Variants in CLCN3 observed in about 807,000 individuals in gnomAD.
CLCN3 encodes Cl-/H+ antiporter 3.
In CLCN3, 16 loss-of-function variants were observed where a neutral mutation model predicts 83.4. The observed-to-expected ratio is 0.19, with a 90% CI of 0.13 to 0.29. The LOEUF is 0.29. CLCN3 is among the 10% of genes least tolerant of loss of function. The pLI is 1.00. For missense variants in CLCN3, 544 were observed against 1,006.0 expected (o/e 0.54, Z 6.21); for synonymous variants, 322 against 346.2 (o/e 0.93, Z 0.78).
intron 2 of CLCN3, among the ~76,000 whole-genome samples, chr4:169,677,375 T>C (rs1731721072): frequency 6.6e-6 from 1 of 152,232 alleles, no homozygotes; most frequent in Admixed American, 6.5e-5. Context: ...ACATTCAGAC[T>C]CATTCATGAA....
intron 2 of CLCN3, among the ~76,000 whole-genome samples, chr4:169,655,644 G>A (rs1416287606): frequency 6.6e-6 from 1 of 152,100 alleles, no homozygotes; most frequent in Non-Finnish European, 1.5e-5. Context: ...GCAGGCATGT[G>A]CCACTATGTC....
At chr4:169,702,790 A>C (rs1302190755) in intron 9 of CLCN3, 1 of 209,286 alleles carries the variant, frequency 4.8e-6, no homozygotes. Flanking sequence ...AAAAAAAAAA[A>C]AAAAAAAGAA....
At chr4:169,719,769 A>G in intron 12 of CLCN3, 138 bp from the exon 13 acceptor site, 1 of 612,288 alleles carries the variant, frequency 1.6e-6, no homozygotes, top group Non-Finnish European at 2.8e-6. Flanking sequence ...CTTTACCAAT[A>G]AAGTACTTTT....
chr4:169,673,892 A>G (rs1167309184), intron 2 of CLCN3, among the ~76,000 whole-genome samples: 1 of 152,184 alleles, frequency 6.6e-6, no homozygotes, highest in Non-Finnish European at 1.5e-5. Context: ...TTTCTGAGCC[A>G]CATAAAGAGT....
chr4:169,694,876 A>G (rs767327128), intron 7 of CLCN3, among the ~76,000 whole-genome samples: 3 of 152,194 alleles, frequency 2.0e-5, no homozygotes, highest in Non-Finnish European at 4.4e-5. Flanking sequence ...TAGAAAAATA[A>G]TTACAAATAA....
At position 169,692,340 on chromosome 4, in the gene CLCN3, A is replaced by C. The variant is rs1213541109; in HGVS notation, c.936+20A>C. 1 of 1,304,000 alleles carries C rather than the reference A, an allele frequency of 7.7e-7. No homozygotes were observed. The highest frequency in any genetic ancestry group is 1.1e-6 in the Non-Finnish European group (1 of 909,734). 80.8% of individuals were successfully genotyped at this position (1,304,000 alleles called of 1,614,324 possible). Reference sequence around the variant, plus strand: ...AGGGAGGTAAGTGTCTTTTGTAGTTAATTTGACTGAAAAATATATATTATA... The same window carrying C: ...AGGGAGGTAAGTGTCTTTTGTAGTTCATTTGACTGAAAAATATATATTATA... On this transcript the variant is annotated intron_variant, in intron 7 of 12. Coordinates refer to ENST00000513761, the MANE Select transcript of CLCN3 (RefSeq NM_001829.4).
At chr4:169,714,417 A>G (rs941686565) in intron 12 of CLCN3, among the ~76,000 whole-genome samples, 2 of 152,150 alleles carry the variant, frequency 1.3e-5, no homozygotes, top group Admixed American at 6.5e-5. Context: ...TTTCTCATTT[A>G]ACTTTGCAGG....
rs1733013072 is a variant in CLCN3 at position 169,706,848 on chromosome 4, T to C, written c.1751-20T>C. On this transcript the variant is annotated intron_variant, in intron 10 of 12. Transcript: ENST00000513761. ...TGAGGATCCTGTCCTTCCTGACCAGTGGGTGCTTACTTTTTTCAGGTGGTG... is the reference window on the plus strand; with the variant it reads ...TGAGGATCCTGTCCTTCCTGACCAGCGGGTGCTTACTTTTTTCAGGTGGTG... 1.3e-6 allele frequency: 2 copies of C among 1,598,546 alleles called. No homozygotes were observed. The highest frequency in any genetic ancestry group is 1.7e-6 in the Non-Finnish European group (2 of 1,169,168).
At position 169,673,766 on chromosome 4, in the gene CLCN3, T is replaced by G. The variant is rs75776989; in HGVS notation, c.161-6284T>G. On this transcript the variant is annotated intron_variant, in intron 2 of 12. Coordinates refer to ENST00000513761, the MANE Select transcript of CLCN3 (RefSeq NM_001829.4). ...ACCTGTCACCCCAATTCCTGAAATA[T>G]TAATATTTTACCACATTTGTTCATT... Among the ~76,000 whole-genome samples, 604 of 152,300 alleles carry G rather than the reference T, an allele frequency of 4.0e-3. 4 individuals are homozygous for G. Among genetic ancestry groups the G allele is most frequent in the African/African-American group, 0.014 (567 of 41,572 alleles).
chr4:169,674,082 C>T (rs1026641121), intron 2 of CLCN3, among the ~76,000 whole-genome samples: 21 of 152,286 alleles, frequency 1.4e-4, no homozygotes, highest in African/African-American at 5.1e-4. Context: ...CCAGTTGTCC[C>T]ACTGTGTCCT....
rs116321248 is a variant in CLCN3, at chr4:169,621,876, T to C, written c.-17+813T>C. ...TCACTACAAAATAATATTTGTTCAG[T>C]TCAGGAGTACATATGGGAGTTAAAG... On this transcript the variant is annotated intron_variant, in intron 1 of 12. Transcript: ENST00000513761. Among the ~76,000 whole-genome samples, 1,143 of 152,312 alleles carry C rather than the reference T, an allele frequency of 7.5e-3. 12 individuals carry two copies. The highest frequency in any genetic ancestry group is 0.026 in the African/African-American group (1,099 of 41,566).
In CLCN3 at chr4:169,633,906, G is replaced by A. The variant is rs117811490; in HGVS notation, c.-16-2007G>A. On this transcript the variant is annotated intron_variant, in intron 1 of 12. Transcript: ENST00000513761. ...GATAGCCGTATGTATGCTGGCTGCT[G>A]CATCAGTCAGTACAGCTCTATAGGT... 1.2e-4 allele frequency among the ~76,000 whole-genome samples: 18 copies of A among 152,112 alleles called. No homozygotes were observed. The East Asian group carries it at 3.5e-3, about 29-fold the overall frequency.
chr4:169,673,492 A>G (rs1251463365), intron 2 of CLCN3, among the ~76,000 whole-genome samples: 1 of 152,156 alleles, frequency 6.6e-6, no homozygotes, highest in African/African-American at 2.4e-5. Flanking sequence ...TTCACGCTGT[A>G]AATAGCTTGA....
At chr4:169,699,671 C>G (rs1350224010) in intron 9 of CLCN3, among the ~76,000 whole-genome samples, 1 of 152,064 alleles carries the variant, frequency 6.6e-6, no homozygotes, top group African/African-American at 2.4e-5. Flanking sequence ...ATCACAATGT[C>G]AGGAGATCGA....
At position 169,707,125 on chromosome 4, in the gene CLCN3, C is replaced by T. The variant is rs957476221; in HGVS notation, c.2008C>T (p.Leu670=). The T allele has an allele frequency of 6.2e-7, 1 of 1,613,944 alleles. No homozygotes were observed. Among genetic ancestry groups the T allele is most frequent in the African/African-American group, 1.3e-5 (1 of 74,898 alleles). ...PRRNDPPLAV[L]TQDNMTVDDI... is the part of the protein sequence containing the mutation. ...AAGGAATGATCCTCCCTTAGCTGTC[C>T]TGACACAGGACAATATGACAGTGGA... is the stretch of plus-strand genomic sequence containing the variant. The change falls in exon 11 of 13, where the codon CTG becomes TTG. Residue 670 remains leucine, a synonymous_variant. Transcript: ENST00000513761.
At chr4:169,702,795 A>AAAG (rs768271421) in intron 9 of CLCN3, 81 of 301,040 alleles carry the variant, frequency 2.7e-4, no homozygotes, top group East Asian at 1.1e-3. Flanking sequence ...AAAAAAAAAA[A>AAAG]AAGAAAGCCA....
At chr4:169,669,130 A>G (rs1330528072) in intron 2 of CLCN3, among the ~76,000 whole-genome samples, 1 of 152,240 alleles carries the variant, frequency 6.6e-6, no homozygotes, top group Non-Finnish European at 1.5e-5. Flanking sequence ...TGTGACGATA[A>G]TAAATGGATA....
At chr4:169,657,993 T>C (rs1730936640) in intron 2 of CLCN3, among the ~76,000 whole-genome samples, 1 of 152,210 alleles carries the variant, frequency 6.6e-6, no homozygotes, top group Non-Finnish European at 1.5e-5. Context: ...TGTGTACTGA[T>C]TCTTTTACTT....
rs573718425 is a variant in CLCN3 at position 169,621,083 on chromosome 4, C to T, written c.-17+20C>T. On this transcript the variant is annotated intron_variant, in intron 1 of 12. Coordinates refer to ENST00000513761, the MANE Select transcript of CLCN3 (RefSeq NM_001829.4). The stretch of plus-strand genomic sequence containing the variant: ...TGCGAGGTGAGTTGCATTGTATGAG[C>T]GAAGAGTTGTCAGCTCTCCTGTTCA... 4.8e-5 allele frequency: 19 copies of T among 396,336 alleles called. No homozygotes were observed. The South Asian group carries it at 2.4e-3, about 51-fold the overall frequency. The allele number at this position is 396,336 out of a possible 1,614,324, so 24.6% of individuals were successfully genotyped here.
Sources: allele counts gnomAD v4.1 joint callset (sites outside exome capture counted in the v4.1 genomes callset), GRCh38; gene constraint gnomAD v4.1.1; transcripts MANE v1.5; gene names NCBI Gene and HGNC (gene_info 2026-07-23, HGNC 2026-07-21).